SLC2A13: variants seen among roughly 807,000 people sequenced by gnomAD.
The protein encoded by SLC2A13 is solute carrier family 2 member 13.
SLC2A13 carries 32 observed loss-of-function variants against 64.4 expected under a neutral mutation model. The observed-to-expected ratio is 0.50, with a 90% CI of 0.37 to 0.67. SLC2A13 has a LOEUF of 0.67. Ranked by LOEUF, SLC2A13 falls within the 30% of genes least tolerant of loss-of-function variation. The pLI is 0.00. For synonymous variants in SLC2A13, 338 were observed against 327.1 expected (o/e 1.03, Z -0.36); for missense variants, 743 against 829.2 (o/e 0.90, Z 1.28).
At chr12:39,779,900 G>C (rs913425722) in intron 7 of SLC2A13, among the ~76,000 whole-genome samples, 10 of 152,226 alleles carry the variant, frequency 6.6e-5, no homozygotes, top group Non-Finnish European at 1.5e-4. Context: ...AGGTGCCTGA[G>C]AATGAATGCA....
chr12:39,823,793 C>T (rs760166744), intron 7 of SLC2A13, among the ~76,000 whole-genome samples: 30 of 152,102 alleles, frequency 2.0e-4, no homozygotes, highest in Non-Finnish European at 2.9e-4. Flanking sequence ...AGTATGGCTC[C>T]AAGCAATATT....
At chr12:39,913,267 AC>A (rs925592061) in intron 4 of SLC2A13, among the ~76,000 whole-genome samples, 20 of 152,250 alleles carry the variant, frequency 1.3e-4, no homozygotes, top group African/African-American at 4.8e-4. Context: ...GAAGAAAAAA[AC>A]AAATGCAATG....
At chr12:39,786,585 A>T (rs1941197981) in intron 7 of SLC2A13, among the ~76,000 whole-genome samples, 4 of 152,234 alleles carry the variant, frequency 2.6e-5, no homozygotes, top group Admixed American at 2.0e-4. Flanking sequence ...CATATAAAGC[A>T]CAAGGAGAGC....
At chr12:40,007,601 T>C (rs1947447487) in intron 3 of SLC2A13, among the ~76,000 whole-genome samples, 1 of 152,202 alleles carries the variant, frequency 6.6e-6, no homozygotes, top group Non-Finnish European at 1.5e-5. Flanking sequence ...CCTTATATAG[T>C]ACATTGAAGA....
At chr12:39,777,693 G>A (rs931902234) in intron 7 of SLC2A13, among the ~76,000 whole-genome samples, 3 of 152,192 alleles carry the variant, frequency 2.0e-5, no homozygotes, top group Non-Finnish European at 4.4e-5. Context: ...GGCACACACA[G>A]GTGGCTGGCC....
At chr12:39,889,986 T>A (rs958763405) in intron 4 of SLC2A13, among the ~76,000 whole-genome samples, 1 of 152,190 alleles carries the variant, frequency 6.6e-6, no homozygotes, top group Non-Finnish European at 1.5e-5. Context: ...TATTTTACAC[T>A]TCTACATAGT....
intron 7 of SLC2A13, among the ~76,000 whole-genome samples, chr12:39,804,963 A>G (rs1435254692): frequency 1.6e-5 from 2 of 123,482 alleles, no homozygotes; most frequent in Non-Finnish European, 3.5e-5. Context: ...AGACTTTGGC[A>G]CTTGCTTGGA....
At chr12:40,057,407 G>A (rs768487163) in intron 1 of SLC2A13, among the ~76,000 whole-genome samples, 1 of 152,100 alleles carries the variant, frequency 6.6e-6, no homozygotes. Context: ...TATGGGTGGG[G>A]CAGGAAGAAA....
chr12:39,911,280 A>G (rs1476237499), intron 4 of SLC2A13, among the ~76,000 whole-genome samples: 1 of 152,058 alleles, frequency 6.6e-6, no homozygotes, highest in Non-Finnish European at 1.5e-5. Flanking sequence ...ATTAATACCC[A>G]CGCTTTGCTT....
chr12:39,978,562 G>C (rs12813370), intron 3 of SLC2A13, among the ~76,000 whole-genome samples: 2 of 152,246 alleles, frequency 1.3e-5, no homozygotes, highest in South Asian at 2.1e-4. Context: ...AAGGGGTGAC[G>C]GATGCACCTG....
intron 6 of SLC2A13, among the ~76,000 whole-genome samples, chr12:39,857,970 A>T (rs1167733518): frequency 6.6e-6 from 1 of 152,194 alleles, no homozygotes; most frequent in Non-Finnish European, 1.5e-5. Flanking sequence ...AAACAAAACA[A>T]AACAAAAAAC....
At chr12:39,936,664 G>C (rs1945923188) in intron 4 of SLC2A13, among the ~76,000 whole-genome samples, 1 of 152,274 alleles carries the variant, frequency 6.6e-6, no homozygotes, top group East Asian at 1.9e-4. Context: ...AGATATTAGG[G>C]ATATAAAATT....
rs2135702958 is a variant in SLC2A13, at chr12:39,757,947, C to CT, written c.*2078dup. 1.3e-5 allele frequency: 2 copies of CT among 152,208 alleles called. 1 individual carries two copies. The highest frequency in any genetic ancestry group is 4.8e-5 in the African/African-American group (2 of 41,484). 9.4% of individuals were successfully genotyped at this position (152,208 alleles called of 1,614,324 possible). On this transcript the variant is annotated 3_prime_UTR_variant, in exon 10 of 10. Transcript: ENST00000280871. Reference sequence around the variant, plus strand: ...TTTTAGAGAGCACTTTATTGGTCTACTTTTTCTCCTTATTATATTTTGATT... The same window carrying CT: ...TTTTAGAGAGCACTTTATTGGTCTACTTTTTTCTCCTTATTATATTTTGATT...
intron 6 of SLC2A13, among the ~76,000 whole-genome samples, chr12:39,841,662 C>G (rs575314088): frequency 4.6e-5 from 7 of 151,888 alleles, no homozygotes; most frequent in African/African-American, 1.7e-4. Flanking sequence ...AGAGTAAAAT[C>G]AGATTTGCAT....
In SLC2A13 at chr12:39,948,443, T is replaced by C. The variant is rs142790199; in HGVS notation, c.1034+2814A>G. ...ATCTATTTTGTCAAATGTGACAGAA[T>C]AGTAAATAGGTCAAGGGAATAGGAA... On this transcript the variant is annotated intron_variant, in intron 4 of 9. Coordinates refer to ENST00000280871, the MANE Select transcript of SLC2A13 (RefSeq NM_052885.4). Among the ~76,000 whole-genome samples, 289 of 152,222 alleles carry C rather than the reference T, an allele frequency of 1.9e-3. 2 individuals are homozygous for C. In the East Asian group the frequency reaches 0.021, roughly 11 times the overall value.
intron 4 of SLC2A13, among the ~76,000 whole-genome samples, chr12:39,889,839 C>A (rs940980892): frequency 1.3e-5 from 2 of 152,042 alleles, no homozygotes; most frequent in Non-Finnish European, 2.9e-5. Flanking sequence ...CATAAACAAC[C>A]TTTTAAAGGC....
At chr12:40,043,483 C>CTATA (rs142719193) in intron 2 of SLC2A13, among the ~76,000 whole-genome samples, 9 of 149,402 alleles carry the variant, frequency 6.0e-5, no homozygotes, top group African/African-American at 2.2e-4. Flanking sequence ...TAAAAATAAA[C>CTATA]TATATATATA....
chr12:40,046,965 A>G (rs1948180980), intron 2 of SLC2A13, among the ~76,000 whole-genome samples: 1 of 149,582 alleles, frequency 6.7e-6, no homozygotes, highest in South Asian at 2.1e-4. Context: ...GCAGTGGTAC[A>G]CTCTCAGCTC....
chr12:39,774,312 C>T (rs1940693018), intron 7 of SLC2A13, among the ~76,000 whole-genome samples: 1 of 152,280 alleles, frequency 6.6e-6, no homozygotes, highest in South Asian at 2.1e-4. Context: ...GAAATTCTAA[C>T]TTCCGGGCAT....
Sources: gnomAD v4.1 joint callset for allele counts (sites outside exome capture counted in the v4.1 genomes callset) on GRCh38, gnomAD v4.1.1 for gene constraint, MANE v1.5 for transcripts, NCBI Gene and HGNC (gene_info 2026-07-23, HGNC 2026-07-21) for gene names.